Variants in STON2 observed in about 807,000 individuals in gnomAD.
STON2 encodes the protein stonin-2.
Under a neutral mutation model 65.7 loss-of-function variants are expected in STON2, and 29 were observed. The observed-to-expected ratio is 0.44, with a 90% confidence interval of 0.33 to 0.60. The LOEUF (loss-of-function observed/expected upper bound fraction) is 0.60. STON2 is among the 20% of genes least tolerant of loss of function. The pLI, the probability that STON2 is intolerant of heterozygous loss-of-function variation, is 0.03. For missense variants in STON2, 1,054 were observed against 1,118.1 expected (o/e 0.94, Z 0.82); for synonymous variants, 404 against 414.2 (o/e 0.98, Z 0.30).
chr14:81,301,490 TA>T (rs1014758317), intron 5 of STON2, among the ~76,000 whole-genome samples: 2 of 152,120 alleles, frequency 1.3e-5, no homozygotes, highest in African/African-American at 2.4e-5. Context: ...TATGGGTATA[TA>T]AAAAGTGCTG....
chr14:81,299,782 A>G (rs1895898284), intron 5 of STON2, among the ~76,000 whole-genome samples: 1 of 152,186 alleles, frequency 6.6e-6, no homozygotes, highest in Admixed American at 6.5e-5. Context: ...AAAGATGTGT[A>G]AGGCCTCTTC....
chr14:81,402,214 G>A (rs1900643200), upstream of STON2, among the ~76,000 whole-genome samples: 1 of 152,174 alleles, frequency 6.6e-6, no homozygotes, highest in Admixed American at 6.5e-5. Flanking sequence ...CTCAGACAGT[G>A]CTGGACAGAA....
chr14:81,414,774 T>C (rs1476528791), intron 2 of STON2, among the ~76,000 whole-genome samples: 2 of 152,084 alleles, frequency 1.3e-5, no homozygotes, highest in African/African-American at 4.8e-5. Flanking sequence ...CCATTTAATA[T>C]TGATTAAAAG....
In STON2 at chr14:81,412,951, C is replaced by A. The variant is rs957668547; in HGVS notation, c.-199+14151G>T. ...AGGAGACCGTTGCAGTCAGCCAGCC[C>A]CCTTCTCCATGGGTAACCATGTGCG... On this transcript the variant is annotated intron_variant, in intron 2 of 8. Coordinates refer to the STON2 transcript ENST00000553821. 6.1e-5 allele frequency: 53 copies of A among 873,994 alleles called. 12 individuals carry two copies. The African/African-American group carries it at 9.1e-4, about 15-fold the overall frequency. 54.1% of individuals were successfully genotyped at this position (873,994 alleles called of 1,614,324 possible). A position where few individuals can be genotyped will look rare whatever the true frequency, so the allele number is the denominator to read the frequency against.
chr14:81,366,363 G>A (rs113446463), intron 4 of STON2, among the ~76,000 whole-genome samples: 1 of 152,112 alleles, frequency 6.6e-6, no homozygotes, highest in East Asian at 1.9e-4. Flanking sequence ...ACCAAGCAAG[G>A]GGGCCAAGGC....
intron 1 of STON2, among the ~76,000 whole-genome samples, chr14:81,430,382 A>T (rs1902179987): frequency 6.6e-6 from 1 of 152,252 alleles, no homozygotes; most frequent in African/African-American, 2.4e-5. Flanking sequence ...TGCACTCAGC[A>T]GATGGTCAAT....
At chr14:81,387,176 A>C (rs1569013) in intron 3 of STON2, among the ~76,000 whole-genome samples, 1 of 139,892 alleles carries the variant, frequency 7.1e-6, no homozygotes, top group African/African-American at 2.9e-5. Context: ...TTTTTTTTTT[A>C]AAACATGCTG....
intron 5 of STON2, among the ~76,000 whole-genome samples, chr14:81,283,654 C>T (rs1761523788): frequency 6.6e-6 from 1 of 151,900 alleles, no homozygotes; most frequent in African/African-American, 2.4e-5. Flanking sequence ...CCTCAGCCTC[C>T]TGAGTAGCTG....
intron 5 of STON2, among the ~76,000 whole-genome samples, chr14:81,302,439 TGCA>T (rs1896002676): frequency 1.3e-5 from 2 of 152,256 alleles, no homozygotes; most frequent in East Asian, 1.9e-4. Context: ...CTTCGGATGG[TGCA>T]GCAGGTTAGT....
intron 4 of STON2, among the ~76,000 whole-genome samples, chr14:81,337,475 A>G (rs1191882306): frequency 6.6e-6 from 1 of 152,174 alleles, no homozygotes; most frequent in Non-Finnish European, 1.5e-5. Context: ...GTTAAATGCA[A>G]TGGAGAAAGA....
intron 2 of STON2, among the ~76,000 whole-genome samples, chr14:81,396,690 G>A (rs933548915): frequency 2.6e-5 from 4 of 152,134 alleles, no homozygotes; most frequent in Non-Finnish European, 5.9e-5. Flanking sequence ...GTAACCTAGA[G>A]GTTATTTCTG....
intron 2 of STON2, among the ~76,000 whole-genome samples, chr14:81,415,473 C>A (rs1021608366): frequency 1.3e-5 from 2 of 151,998 alleles, no homozygotes; most frequent in African/African-American, 2.4e-5. Flanking sequence ...TGTGCTGAGC[C>A]CTGACCCTCT....
upstream of STON2, among the ~76,000 whole-genome samples, chr14:81,403,056 C>G (rs1900683513): frequency 6.6e-6 from 1 of 152,198 alleles, no homozygotes; most frequent in Admixed American, 6.5e-5. Context: ...GAATCTGGCC[C>G]TGATCCACCT....
Position 81,261,481 on chromosome 14 carries a change from G to T in STON2, c.*6933C>A. ...ACCATGAAAGAGATGCTATTTTGTAGCTTGTACATAGTTTAAAATTTTTTT... is the reference window on the plus strand; with the variant it reads ...ACCATGAAAGAGATGCTATTTTGTATCTTGTACATAGTTTAAAATTTTTTT... On this transcript the variant is annotated 3_prime_UTR_variant, in exon 8 of 8. Transcript: ENST00000614646. The T allele has an allele frequency of 4.6e-6, 1 of 217,052 alleles. No individual in the cohort carries two copies. The allele number at this position is 217,052 out of a possible 1,614,324, so 13.4% of individuals were successfully genotyped here.
chr14:81,310,060 G>A (rs895511117), intron 5 of STON2, among the ~76,000 whole-genome samples: 4 of 152,046 alleles, frequency 2.6e-5, no homozygotes, highest in South Asian at 2.1e-4. Context: ...AAAGTGAGGG[G>A]GCTGGATTAG....
chr14:81,318,847 TATA>T (rs1006593700), intron 5 of STON2, among the ~76,000 whole-genome samples: 1 of 152,124 alleles, frequency 6.6e-6, no homozygotes, highest in African/African-American at 2.4e-5. Flanking sequence ...TCTCAAAAAA[TATA>T]ATAAAAAATT....
intron 3 of STON2, among the ~76,000 whole-genome samples, chr14:81,391,456 G>A (rs1900074222): frequency 6.6e-6 from 1 of 152,000 alleles, no homozygotes; most frequent in South Asian, 2.1e-4. Context: ...AGGAGTGGGG[G>A]GCTAACGCCT....
chr14:81,338,963 C>T (rs1050288420), intron 4 of STON2, among the ~76,000 whole-genome samples: 12 of 152,092 alleles, frequency 7.9e-5, no homozygotes, highest in African/African-American at 2.7e-4. Context: ...AGCAAAGAAA[C>T]GCCATAAACC....
chr14:81,339,480 A>G (rs1227779728), intron 4 of STON2, among the ~76,000 whole-genome samples: 2 of 152,030 alleles, frequency 1.3e-5, no homozygotes, highest in Non-Finnish European at 2.9e-5. Context: ...CACTGTGGGA[A>G]AGAACCATCT....
Sources: allele counts gnomAD v4.1 joint callset (sites outside exome capture counted in the v4.1 genomes callset), GRCh38; gene constraint gnomAD v4.1.1; transcripts MANE v1.5; gene names NCBI Gene and HGNC (gene_info 2026-07-23, HGNC 2026-07-21).